STK38: variants seen among roughly 807,000 people sequenced by gnomAD.
STK38 encodes the protein serine/threonine kinase 38.
A neutral mutation model predicts 59.0 loss-of-function variants in STK38; 26 were observed. That is an observed-to-expected ratio of 0.44 (90% CI 0.32 to 0.61). STK38 has a LOEUF of 0.61. Among genes scored for constraint, STK38 ranks in the 20% least tolerant of loss-of-function variants. The pLI is 0.04. For missense variants in STK38, 433 were observed against 566.0 expected, an observed-to-expected ratio of 0.76 and a Z score of 2.38; for synonymous variants, 175 against 176.6, an observed-to-expected ratio of 0.99 and a Z score of 0.07.
intron 2 of STK38, among the ~76,000 whole-genome samples, chr6:36,539,249 G>A (rs913535149): frequency 7.9e-5 from 12 of 151,850 alleles, no homozygotes; most frequent in African/African-American, 2.9e-4. Flanking sequence ...AGCCAGGCGT[G>A]GTGGCTCACA....
At chr6:36,543,029 C>T (rs1167073853) in intron 1 of STK38, among the ~76,000 whole-genome samples, 1 of 152,104 alleles carries the variant, frequency 6.6e-6, no homozygotes, top group Non-Finnish European at 1.5e-5. Context: ...CCAAATTGTT[C>T]ACTAACATTG....
Position 36,494,983 on chromosome 6 carries a change from T to C in STK38, c.*801A>G, listed in dbSNP as rs1776665384. On this transcript the variant is annotated 3_prime_UTR_variant, in exon 14 of 14. Coordinates refer to ENST00000229812, the MANE Select transcript of STK38 (RefSeq NM_007271.4). ...CACGGCAAGATCTGTCTTAGGGATT[T>C]TCTGGTACAGCCGTGAAGAGAAAGT... is the stretch of plus-strand genomic sequence containing the variant. The C allele has an allele frequency of 6.6e-6, 1 of 152,334 alleles. No homozygotes were observed. The highest frequency in any genetic ancestry group is 2.4e-5 in the African/African-American group (1 of 41,460). The allele number at this position is 152,334 out of a possible 1,614,324, so 9.4% of individuals were successfully genotyped here.
chr6:36,530,798 T>C (rs1777650433), intron 2 of STK38, among the ~76,000 whole-genome samples: 1 of 151,888 alleles, frequency 6.6e-6, no homozygotes, highest in African/African-American at 2.4e-5. Flanking sequence ...CAGGTGATTC[T>C]TGTGCCTCAA....
chr6:36,535,695 GT>G (rs1777772601), intron 2 of STK38, among the ~76,000 whole-genome samples: 1 of 151,818 alleles, frequency 6.6e-6, no homozygotes, highest in Admixed American at 6.6e-5. Flanking sequence ...GGCCAACATG[GT>G]GAAACCCCAT....
chr6:36,521,983 T>C (rs1777387697), intron 4 of STK38, among the ~76,000 whole-genome samples, 166 bp from the exon 5 acceptor site: 1 of 152,228 alleles, frequency 6.6e-6, no homozygotes, highest in South Asian at 2.1e-4. Flanking sequence ...CCAAAATGAA[T>C]ACATTACACA....
chr6:36,540,115 A>T lies in STK38; in HGVS notation c.88T>A (p.Phe30Ile), dbSNP rs1264289428. ...TGTTGAGCGATAAGGTTGCTATAAA[A>T]ATTCTCCAGTGTCACTTTGGTCATT... ...VTMTKVTLEN[F>I]YSNLIAQHEE... The change falls in exon 2 of 14, where the codon TTT becomes ATT. Residue 30 changes from phenylalanine to isoleucine, a missense_variant. Physicochemically the swap from Phe to Ile is conservative, Grantham distance 21. Coordinates refer to ENST00000229812, the MANE Select transcript of STK38 (RefSeq NM_007271.4). 1 of 1,614,054 alleles carries T rather than the reference A, an allele frequency of 6.2e-7. No individual in the cohort carries two copies. The highest frequency in any genetic ancestry group is 1.7e-5 in the Admixed American group (1 of 60,006).
chr6:36,524,368 T>A lies in STK38; in HGVS notation c.279A>T (p.Lys93Asn). 1 of 1,613,098 alleles carries A rather than the reference T, an allele frequency of 6.2e-7. No homozygotes were observed. The highest frequency in any genetic ancestry group is 8.5e-7 in the Non-Finnish European group (1 of 1,179,750). The change falls in exon 4 of 14, where the codon AAA (lysine) becomes AAT (asparagine). Residue 93 changes from lysine (K) to asparagine (N), a missense_variant. Coordinates refer to ENST00000229812, the MANE Select transcript of STK38 (RefSeq NM_007271.4). ...RLGLEDFESL[K>N]VIGRGAFGEV... ...CACCAAATGCTCCTCTGCCTATTAC[T>A]TTTAAGGACTCAAAATCTTCCAATC...
intron 8 of STK38, among the ~76,000 whole-genome samples, chr6:36,507,130 G>A (rs1194466501): frequency 1.3e-5 from 2 of 152,208 alleles, no homozygotes; most frequent in Non-Finnish European, 2.9e-5. Context: ...TCAAATGGAA[G>A]TGACTGTCAT....
chr6:36,501,596 T>C (rs962563879), intron 9 of STK38, among the ~76,000 whole-genome samples: 2 of 151,798 alleles, frequency 1.3e-5, no homozygotes, highest in Non-Finnish European at 2.9e-5. Flanking sequence ...GCTAATTTTT[T>C]GTATTTTTAG....
chr6:36,527,234 ATG>A, intron 2 of STK38, among the ~76,000 whole-genome samples: 1 of 144,764 alleles, frequency 6.9e-6, no homozygotes, highest in Non-Finnish European at 1.5e-5. Flanking sequence ...ATATATTTAT[ATG>A]TATATACACA....
intron 2 of STK38, among the ~76,000 whole-genome samples, chr6:36,526,268 A>G (rs1406512432): frequency 3.3e-5 from 5 of 151,130 alleles, no homozygotes; most frequent in African/African-American, 1.2e-4. Flanking sequence ...CCAAACCACA[A>G]AACAGCTGGT....
chr6:36,504,925 A>T (rs1776927302), intron 9 of STK38, among the ~76,000 whole-genome samples: 1 of 149,790 alleles, frequency 6.7e-6, no homozygotes, highest in Admixed American at 6.6e-5. Flanking sequence ...AAAAAAAAGA[A>T]AGAAAGAAAA....
At chr6:36,527,322 A>G (rs990413370) in intron 2 of STK38, among the ~76,000 whole-genome samples, 1 of 81,000 alleles carries the variant, frequency 1.2e-5, no homozygotes, top group East Asian at 4.8e-4. Context: ...ATATACACAC[A>G]TATATATACA....
intron 9 of STK38, among the ~76,000 whole-genome samples, 183 bp downstream of exon 9, chr6:36,506,400 T>C (rs1039077570): frequency 1.3e-5 from 2 of 152,152 alleles, no homozygotes; most frequent in Non-Finnish European, 2.9e-5. Flanking sequence ...CAACCTAATA[T>C]TACCTGTCCT....
chr6:36,530,221 A>G (rs937998001), intron 2 of STK38, among the ~76,000 whole-genome samples: 2 of 151,136 alleles, frequency 1.3e-5, no homozygotes, highest in African/African-American at 4.9e-5. Context: ...AGCCTGGGTG[A>G]CAGAGCGAGA....
At chr6:36,508,804 T>C (rs1777031373) in intron 7 of STK38, among the ~76,000 whole-genome samples, 1 of 152,208 alleles carries the variant, frequency 6.6e-6, no homozygotes, top group African/African-American at 2.4e-5. Context: ...CGGTGGCCAC[T>C]GCACACAGCC....
At chr6:36,517,596 A>C in intron 6 of STK38, 121 bp downstream of exon 6, 2 of 1,328,658 alleles carry the variant, frequency 1.5e-6, no homozygotes, top group South Asian at 1.6e-5. Context: ...AGACCTAAAA[A>C]AGGATATAGA....
intron 6 of STK38, among the ~76,000 whole-genome samples, chr6:36,516,530 T>TTCCC (rs1456544690): frequency 1.3e-5 from 2 of 152,352 alleles, no homozygotes; most frequent in East Asian, 3.8e-4. Context: ...GTAGCTATTT[T>TTCCC]TCCCTCAGGC....
chr6:36,511,383 G>C (rs903709308), intron 7 of STK38, among the ~76,000 whole-genome samples: 3 of 151,340 alleles, frequency 2.0e-5, no homozygotes, highest in Non-Finnish European at 4.4e-5. Context: ...CTGAGACAGA[G>C]TCTCGCTCTG....
Sources: allele counts gnomAD v4.1 joint callset (sites outside exome capture counted in the v4.1 genomes callset), GRCh38; gene constraint gnomAD v4.1.1; transcripts MANE v1.5; gene names NCBI Gene and HGNC (gene_info 2026-07-23, HGNC 2026-07-21).